Variants in MYO1E observed in about 807,000 individuals in gnomAD.
The protein encoded by MYO1E is myosin IE.
Under a neutral mutation model 151.1 loss-of-function variants are expected in MYO1E, and 68 were observed. The observed-to-expected ratio is 0.45, with a 90% CI of 0.37 to 0.55. The LOEUF is 0.55. MYO1E is among the 20% of genes least tolerant of loss of function. The pLI is 0.00. For synonymous variants in MYO1E, 601 were observed against 501.7 expected, an observed-to-expected ratio of 1.20 and a Z score of -2.64; for missense variants, 1,363 against 1,389.3, an observed-to-expected ratio of 0.98 and a Z score of 0.30.
At chr15:59,290,673 A>C (rs1470282275) in intron 1 of MYO1E, among the ~76,000 whole-genome samples, 1 of 152,224 alleles carries the variant, frequency 6.6e-6, no homozygotes, top group East Asian at 1.9e-4. Context: ...AATATGTTTA[A>C]AATAACCTTG....
At chr15:59,282,175 G>A (rs1233401697) in intron 1 of MYO1E, among the ~76,000 whole-genome samples, 3 of 152,160 alleles carry the variant, frequency 2.0e-5, no homozygotes, top group African/African-American at 4.8e-5. Context: ...ACTCTGCTGT[G>A]GAAAATCTCA....
intron 2 of MYO1E, among the ~76,000 whole-genome samples, chr15:59,261,751 A>G (rs1462853477): frequency 1.3e-5 from 2 of 152,372 alleles, no homozygotes; most frequent in Middle Eastern, 6.8e-3. Flanking sequence ...TTTTAAATGA[A>G]CTAAAGCACA....
At chr15:59,357,652 G>A (rs2080862678) in intron 1 of MYO1E, among the ~76,000 whole-genome samples, 1 of 151,916 alleles carries the variant, frequency 6.6e-6, no homozygotes, top group African/African-American at 2.4e-5. Context: ...GTTTCACCAT[G>A]TTGGCCAGGA....
At chr15:59,147,022 G>T (rs1240220266) in intron 26 of MYO1E, among the ~76,000 whole-genome samples, 1 of 152,118 alleles carries the variant, frequency 6.6e-6, no homozygotes, top group African/African-American at 2.4e-5. Flanking sequence ...ACTACATCCA[G>T]TTTGCTTTGT....
At chr15:59,302,110 C>T (rs1202187567) in intron 1 of MYO1E, among the ~76,000 whole-genome samples, 1 of 151,994 alleles carries the variant, frequency 6.6e-6, no homozygotes, top group Non-Finnish European at 1.5e-5. Context: ...CAGGAAAGTC[C>T]CAGGCACCAT....
chr15:59,223,997 C>A (rs984812865), intron 8 of MYO1E, among the ~76,000 whole-genome samples: 18 of 152,324 alleles, frequency 1.2e-4, no homozygotes, highest in African/African-American at 4.3e-4. Context: ...GCTGCTCATT[C>A]AGAGTCTACT....
intron 1 of MYO1E, among the ~76,000 whole-genome samples, chr15:59,284,660 A>T (rs1358344524): frequency 3.4e-5 from 5 of 147,922 alleles, no homozygotes; most frequent in Non-Finnish European, 6.0e-5. Context: ...TTTTTTGTAG[A>T]GACAGGGTCC....
At chr15:59,347,472 G>A (rs1287432265) in intron 1 of MYO1E, among the ~76,000 whole-genome samples, 1 of 152,104 alleles carries the variant, frequency 6.6e-6, no homozygotes, top group Non-Finnish European at 1.5e-5. Context: ...ATGGAACTTT[G>A]ACACATTGAT....
At position 59,226,692 on chromosome 15, in the gene MYO1E, A is replaced by C. The variant is rs147848154; in HGVS notation, c.642+767T>G. On this transcript the variant is annotated intron_variant, in intron 7 of 27. Coordinates refer to ENST00000288235, the MANE Select transcript of MYO1E (RefSeq NM_004998.4). ...TGTGGTGGCATGTGCCTATAGTCCC[A>C]GCTACTTGGGAGGGTGAGGCAGGGG... Among the ~76,000 whole-genome samples the C allele has an allele frequency of 1.5e-3, 235 of 152,348 alleles. 1 individual carries two copies. Among genetic ancestry groups the C allele is most frequent in the African/African-American group, 5.3e-3 (221 of 41,582 alleles).
chr15:59,297,997 T>G (rs1397171749), intron 1 of MYO1E, among the ~76,000 whole-genome samples: 1 of 152,222 alleles, frequency 6.6e-6, no homozygotes, highest in Non-Finnish European at 1.5e-5. Flanking sequence ...TGACTAGAAT[T>G]CTAGGCAAAT....
chr15:59,366,129 A>G (rs2080911551), intron 1 of MYO1E, among the ~76,000 whole-genome samples: 1 of 152,012 alleles, frequency 6.6e-6, no homozygotes, highest in Non-Finnish European at 1.5e-5. Context: ...ACAGGCATGC[A>G]CCACCACACC....
chr15:59,311,712 A>G lies in MYO1E; in HGVS notation c.4-39263T>C, dbSNP rs572929507. On this transcript the variant is annotated intron_variant, in intron 1 of 27. Coordinates refer to ENST00000288235, the MANE Select transcript of MYO1E (RefSeq NM_004998.4). ...CCAAAGTTCATGTGCTGAAAACTCA[A>G]TCCCCAATGCGACAGTGCTGAAGGT... Among the ~76,000 whole-genome samples the G allele has an allele frequency of 1.1e-3, 168 of 152,306 alleles. 1 individual carries two copies. The highest frequency in any genetic ancestry group is 3.9e-3 in the African/African-American group (161 of 41,558).
At chr15:59,371,920 T>C (rs2080947852) in intron 1 of MYO1E, among the ~76,000 whole-genome samples, 5 of 150,710 alleles carry the variant, frequency 3.3e-5, no homozygotes, top group East Asian at 3.9e-4. Context: ...CGCCTGCCTT[T>C]GTGCGGCCCG....
chr15:59,265,941 T>C (rs1371590274), intron 2 of MYO1E, among the ~76,000 whole-genome samples: 2 of 151,768 alleles, frequency 1.3e-5, no homozygotes. Flanking sequence ...CTCTCCAGCT[T>C]AGGTGACAGA....
intron 1 of MYO1E, among the ~76,000 whole-genome samples, chr15:59,297,147 C>A (rs938277806): frequency 1.3e-5 from 2 of 151,482 alleles, no homozygotes; most frequent in Non-Finnish European, 2.9e-5. Flanking sequence ...CCACCGCACC[C>A]GGCCAGGAAA....
intron 1 of MYO1E, among the ~76,000 whole-genome samples, chr15:59,334,149 C>CA (rs1491113631): frequency 1.8e-4 from 28 of 152,112 alleles, no homozygotes; most frequent in Admixed American, 1.8e-3. Flanking sequence ...GGCATGGTGG[C>CA]ACACGCCTGT....
chr15:59,206,885 C>A (rs539162667), intron 14 of MYO1E: 19 of 1,540,896 alleles, frequency 1.2e-5, no homozygotes, highest in Admixed American at 3.8e-5. Context: ...GGCGTCTCAA[C>A]GTTCGGATCA....
chr15:59,279,197 A>G (rs1282538256), intron 1 of MYO1E, among the ~76,000 whole-genome samples: 1 of 152,144 alleles, frequency 6.6e-6, no homozygotes, highest in Non-Finnish European at 1.5e-5. Flanking sequence ...CTCACTTCCA[A>G]TATCATCGTT....
rs766287971 is a variant in MYO1E, at chr15:59,214,720, A to G, written c.1108T>C (p.Ser370Pro). Reference protein sequence around the residue: ...HARVFDFLVDSINKAMEKDHE... With the variant: ...HARVFDFLVDPINKAMEKDHE... ...TCTTTCTCCATGGCTTTATTGATGGACTAGAGAAAGTAAACAGCATGGCAG... is the reference window on the plus strand; with the variant it reads ...TCTTTCTCCATGGCTTTATTGATGGGCTAGAGAAAGTAAACAGCATGGCAG... Residue 370 changes from serine (S) to proline (P), a missense_variant and splice_region_variant, in exon 11 of 28, where the codon TCC becomes CCC. Coordinates refer to ENST00000288235, the MANE Select transcript of MYO1E (RefSeq NM_004998.4). 6.2e-7 allele frequency: 1 copy of G among 1,611,590 alleles called. No homozygotes were observed. Among genetic ancestry groups the G allele is most frequent in the Admixed American group, 1.7e-5 (1 of 60,024 alleles).
Sources: allele counts gnomAD v4.1 joint callset (sites outside exome capture counted in the v4.1 genomes callset), GRCh38; gene constraint gnomAD v4.1.1; transcripts MANE v1.5; gene names NCBI Gene and HGNC (gene_info 2026-07-23, HGNC 2026-07-21).